The following KCNK2 variants were observed in gnomAD, a reference collection of about 807,000 sequenced individuals.
KCNK2 encodes potassium two pore domain channel subfamily K member 2, also known as potassium channel subfamily K member 2.
A neutral mutation model predicts 40.5 loss-of-function variants in KCNK2; 21 were observed. That is an observed-to-expected ratio of 0.52 (90% CI 0.37 to 0.75). KCNK2 has a LOEUF of 0.75. Among genes scored for constraint, KCNK2 ranks in the 30% least tolerant of loss-of-function variants. The probability of loss-of-function intolerance (pLI) is 0.00; values close to 1 mark genes in which losing one functional copy is unlikely to be tolerated. For synonymous variants in KCNK2, 191 were observed against 202.2 expected (o/e 0.94, Z 0.47); for missense variants, 399 against 531.6 (o/e 0.75, Z 2.45).
chr1:215,204,903 C>G (rs1236352529), intron 6 of KCNK2, among the ~76,000 whole-genome samples: 1 of 152,050 alleles, frequency 6.6e-6, no homozygotes, highest in Non-Finnish European at 1.5e-5. Flanking sequence ...GGATGGGACC[C>G]TAATTGTAAT....
chr1:215,110,749 G>T, intron 2 of KCNK2, among the ~76,000 whole-genome samples: 1 of 99,830 alleles, frequency 1.0e-5, no homozygotes, highest in East Asian at 3.4e-4. Context: ...TATATTCCCT[G>T]CCCCCACACA....
rs922911955 is a variant in KCNK2 at position 215,054,735 on chromosome 1, G to A, written c.35-31633G>A. On this transcript the variant is annotated intron_variant, in intron 1 of 6. Transcript: ENST00000391895. The stretch of plus-strand genomic sequence containing the variant: ...ATGAAAATATGACCTGAATGGAGAC[G>A]TGTTTTGAGTTATAAGGGGGGAATT... Among the ~76,000 whole-genome samples the A allele has an allele frequency of 4.6e-5, 7 of 152,286 alleles. No homozygotes were observed. The Middle Eastern group carries it at 0.01, about 222-fold the overall frequency.
intron 1 of KCNK2, among the ~76,000 whole-genome samples, chr1:215,025,787 C>T (rs1656980653): frequency 1.3e-5 from 2 of 151,938 alleles, no homozygotes; most frequent in Non-Finnish European, 2.9e-5. Context: ...CATATTTTTG[C>T]CACTACAAAG....
intron 2 of KCNK2, among the ~76,000 whole-genome samples, chr1:215,089,069 G>T (rs961269749): frequency 6.6e-6 from 1 of 152,110 alleles, no homozygotes; most frequent in African/African-American, 2.4e-5. Flanking sequence ...AGGGAGGAAG[G>T]TAAATAAGCC....
chr1:215,168,420 G>A (rs1466331717), intron 3 of KCNK2, among the ~76,000 whole-genome samples: 7 of 152,022 alleles, frequency 4.6e-5, no homozygotes, highest in East Asian at 1.9e-4. Flanking sequence ...TTATTGCAGC[G>A]CTATTTACAA....
intron 2 of KCNK2, among the ~76,000 whole-genome samples, chr1:215,101,110 T>G (rs1558091362): frequency 6.6e-6 from 1 of 152,042 alleles, no homozygotes. Flanking sequence ...ATCCATTCTG[T>G]GTTTCTGTTT....
Position 215,086,591 on chromosome 1 carries a change from A to G in KCNK2, c.270A>G (p.Ser90=). 2 of 1,614,134 alleles carry G rather than the reference A, an allele frequency of 1.2e-6. No individual in the cohort carries two copies. Among genetic ancestry groups the G allele is most frequent in the Non-Finnish European group, 8.5e-7 (1 of 1,179,958 alleles). The change falls in exon 2 of 7, where the codon TCA becomes TCG. Residue 90 remains serine (S), a synonymous_variant. Transcript: ENST00000444842. ...CATTGGAGCAGCCTCATGAGATTTC[A>G]CAGAGGACCACCATTGTGATCCAGA... ...FKALEQPHEI[S]QRTTIVIQKQ...
intron 1 of KCNK2, among the ~76,000 whole-genome samples, chr1:215,007,185 G>GTATATATATATATA (rs1162302568): frequency 9.7e-5 from 3 of 31,028 alleles, no homozygotes; most frequent in African/African-American, 3.7e-4. Context: ...ATGTGTGTGG[G>GTATATATATATATA]TATATATATA....
In KCNK2 at chr1:215,197,324, A is replaced by G. The variant is rs181349900; in HGVS notation, c.963+2232A>G. Reference sequence around the variant, plus strand: ...TAACATGGGACTTTTTTTCCTCACAATTCTGGAAGCTAGAAGTCCAAGAAG... The same window carrying G: ...TAACATGGGACTTTTTTTCCTCACAGTTCTGGAAGCTAGAAGTCCAAGAAG... On this transcript the variant is annotated intron_variant, in intron 6 of 6. Transcript: ENST00000444842. Among the ~76,000 whole-genome samples, 271 of 152,210 alleles carry G rather than the reference A, an allele frequency of 1.8e-3. 1 individual carries two copies. Among genetic ancestry groups the G allele is most frequent in the Non-Finnish European group, 1.7e-3 (113 of 68,016 alleles).
chr1:215,186,181 G>A (rs1374804725), intron 5 of KCNK2, among the ~76,000 whole-genome samples: 1 of 152,146 alleles, frequency 6.6e-6, no homozygotes, highest in Non-Finnish European at 1.5e-5. Context: ...GGCCAAGGCA[G>A]GAAGATCACT....
chr1:215,102,289 G>C (rs755416969), intron 2 of KCNK2, among the ~76,000 whole-genome samples: 1 of 151,802 alleles, frequency 6.6e-6, no homozygotes, highest in African/African-American at 2.4e-5. Context: ...CCCTGTGTAG[G>C]CCTAGCCTAA....
chr1:215,007,157 GTATGTATATA>G lies in KCNK2; in HGVS notation c.34+1206_34+1215del, dbSNP rs1301726271. 2.6e-4 allele frequency among the ~76,000 whole-genome samples: 24 copies of G among 92,058 alleles called. 3 individuals carry two copies. Among genetic ancestry groups the G allele is most frequent in the African/African-American group, 1.0e-3 (21 of 20,566 alleles). The allele number at this position is 92,058 out of a possible 152,430, so 60.4% of individuals were successfully genotyped here. A position where few individuals can be genotyped will look rare whatever the true frequency, so the allele number is the denominator to read the frequency against. Reference sequence around the variant, plus strand: ...TGTATATATATGTGTATATATATATGTATGTATATATATATGTATGTGTGTGGGTATATAT... The same window carrying G: ...TGTATATATATGTGTATATATATATGTATATGTATGTGTGTGGGTATATAT... On this transcript the variant is annotated intron_variant, in intron 1 of 6. Coordinates refer to the KCNK2 transcript ENST00000391895.
Position 215,110,527 on chromosome 1 carries a change from G to A in KCNK2, c.358-14106G>A, listed in dbSNP as rs927083970. Among the ~76,000 whole-genome samples, 3 of 151,974 alleles carry A rather than the reference G, an allele frequency of 2.0e-5. No homozygotes were observed. The East Asian group carries it at 5.8e-4, about 29-fold the overall frequency. ...TGTTGAAGATCATTTGATTATATAT[G>A]CATAGCTTTATTTCTGGATTCTTGA... On this transcript the variant is annotated intron_variant, in intron 2 of 6. Coordinates refer to ENST00000444842, the MANE Select transcript of KCNK2 (RefSeq NM_001017425.3).
At chr1:215,040,017 G>A (rs1657513109) in intron 1 of KCNK2, among the ~76,000 whole-genome samples, 1 of 152,060 alleles carries the variant, frequency 6.6e-6, no homozygotes, top group Admixed American at 6.6e-5. Flanking sequence ...TTACAAGTGG[G>A]GAGGGATAAG....
At chr1:215,137,957 T>C (rs1662002724) in intron 3 of KCNK2, among the ~76,000 whole-genome samples, 2 of 152,166 alleles carry the variant, frequency 1.3e-5, no homozygotes, top group African/African-American at 4.8e-5. Context: ...ACAGCACATA[T>C]CAGATTCTCA....
intron 6 of KCNK2, among the ~76,000 whole-genome samples, chr1:215,215,761 T>C (rs1036026382): frequency 1.3e-5 from 2 of 152,174 alleles, no homozygotes; most frequent in Non-Finnish European, 2.9e-5. Flanking sequence ...TTTTTCCCCA[T>C]ATTCCAAATT....
intron 3 of KCNK2, among the ~76,000 whole-genome samples, chr1:215,133,262 A>G (rs1661753134): frequency 6.6e-6 from 1 of 152,224 alleles, no homozygotes; most frequent in Non-Finnish European, 1.5e-5. Flanking sequence ...TAATCGTCTG[A>G]AAAGCAATCA....
chr1:215,086,984 C>T (rs2102531265), intron 2 of KCNK2, among the ~76,000 whole-genome samples: 1 of 152,242 alleles, frequency 6.6e-6, no homozygotes, highest in Admixed American at 6.5e-5. Context: ...CTTTCTTTCC[C>T]TTTGCCCTGT....
At chr1:215,031,713 T>G (rs1657196519) in intron 1 of KCNK2, among the ~76,000 whole-genome samples, 1 of 152,240 alleles carries the variant, frequency 6.6e-6, no homozygotes, top group African/African-American at 2.4e-5. Context: ...ATTCCACTTG[T>G]TCATTACTGG....
Sources: gnomAD v4.1 joint callset for allele counts (sites outside exome capture counted in the v4.1 genomes callset) on GRCh38, gnomAD v4.1.1 for gene constraint, MANE v1.5 for transcripts, NCBI Gene and HGNC (gene_info 2026-07-23, HGNC 2026-07-21) for gene names.